Variants in GALNT17 observed in about 807,000 individuals in gnomAD.
GALNT17 encodes polypeptide N-acetylgalactosaminyltransferase 17.
GALNT17 carries 29 observed loss-of-function variants against 63.7 expected under a neutral mutation model. That is an observed-to-expected ratio of 0.46 (90% CI 0.34 to 0.62). The LOEUF is 0.62. Ranked by LOEUF, GALNT17 falls within the 20% of genes least tolerant of loss-of-function variation. The probability of loss-of-function intolerance (pLI) is 0.01; values close to 1 mark genes in which losing one functional copy is unlikely to be tolerated. For synonymous variants in GALNT17, 305 were observed against 318.3 expected (o/e 0.96, Z 0.45); for missense variants, 603 against 799.6 (o/e 0.75, Z 2.97).
At chr7:71,492,566 A>G (rs1275924381) in intron 5 of GALNT17, among the ~76,000 whole-genome samples, 1 of 152,186 alleles carries the variant, frequency 6.6e-6, no homozygotes, top group Non-Finnish European at 1.5e-5. Flanking sequence ...AAGGCATCTA[A>G]TGGGTGGCTT....
intron 1 of GALNT17, among the ~76,000 whole-genome samples, chr7:71,155,816 G>T (rs1050019776): frequency 6.6e-6 from 1 of 151,742 alleles, no homozygotes. Flanking sequence ...AGTAGAGTAG[G>T]AAGTAGGTGG....
intron 6 of GALNT17, among the ~76,000 whole-genome samples, chr7:71,652,792 A>T (rs1790772084): frequency 6.6e-6 from 1 of 152,164 alleles, no homozygotes; most frequent in African/African-American, 2.4e-5. Flanking sequence ...GACATCAGAG[A>T]CACATGCTCC....
intron 1 of GALNT17, among the ~76,000 whole-genome samples, chr7:71,276,583 C>G (rs996364193): frequency 6.6e-6 from 1 of 152,194 alleles, no homozygotes; most frequent in Admixed American, 6.5e-5. Flanking sequence ...TTTCCCTGCA[C>G]ATGTCCTCTT....
rs112453537 is a variant in GALNT17 at position 71,182,492 on chromosome 7, C to G, written c.238+49452C>G. On this transcript the variant is annotated intron_variant, in intron 1 of 10. Transcript: ENST00000333538. ...CAGGCCGTGTAGGAGTATTTTTCTC[C>G]TAGTCTTGTCTACTGGAGCTGACAG... is the stretch of plus-strand genomic sequence containing the variant. Among the ~76,000 whole-genome samples, 383 of 152,198 alleles carry G rather than the reference C, an allele frequency of 2.5e-3. 1 individual carries two copies. Among genetic ancestry groups the G allele is most frequent in the African/African-American group, 8.5e-3 (354 of 41,546 alleles).
intron 1 of GALNT17, among the ~76,000 whole-genome samples, chr7:71,145,008 G>A (rs1398946675): frequency 2.0e-5 from 3 of 152,170 alleles, no homozygotes; most frequent in Non-Finnish European, 2.9e-5. Flanking sequence ...GAATACAGGT[G>A]TGAGCCACTG....
At chr7:71,202,505 G>T (rs1410237217) in intron 1 of GALNT17, among the ~76,000 whole-genome samples, 2 of 152,052 alleles carry the variant, frequency 1.3e-5, no homozygotes, top group Non-Finnish European at 2.9e-5. Flanking sequence ...AAATGTAGTT[G>T]AATCAAACAT....
At chr7:71,581,660 G>A (rs2116899792) in intron 6 of GALNT17, among the ~76,000 whole-genome samples, 1 of 152,234 alleles carries the variant, frequency 6.6e-6, no homozygotes, top group East Asian at 1.9e-4. Flanking sequence ...CTGAATGAGA[G>A]GAGTGAATGA....
intron 1 of GALNT17, among the ~76,000 whole-genome samples, chr7:71,161,416 A>G (rs370546296): frequency 7.2e-5 from 11 of 152,258 alleles, no homozygotes; most frequent in African/African-American, 2.4e-4. Flanking sequence ...GATTAATTCA[A>G]TTGTTGATTT....
At chr7:71,547,918 A>G (rs1304528662) in intron 5 of GALNT17, among the ~76,000 whole-genome samples, 1 of 152,008 alleles carries the variant, frequency 6.6e-6, no homozygotes, top group Admixed American at 6.6e-5. Context: ...GTTGAGAGCC[A>G]TGTGAGAGAG....
intron 3 of GALNT17, among the ~76,000 whole-genome samples, chr7:71,401,725 C>T (rs539654403): frequency 2.8e-4 from 42 of 152,254 alleles, no homozygotes; most frequent in Middle Eastern, 3.4e-3. Flanking sequence ...GAGAATCTAA[C>T]GCCTATGATC....
chr7:71,624,315 C>G (rs1003222526), intron 6 of GALNT17, among the ~76,000 whole-genome samples: 1 of 152,206 alleles, frequency 6.6e-6, no homozygotes, highest in African/African-American at 2.4e-5. Flanking sequence ...CCAGGCGTTC[C>G]ATGGGCCATA....
At chr7:71,439,568 G>A (rs1319335242) in intron 5 of GALNT17, among the ~76,000 whole-genome samples, 1 of 152,212 alleles carries the variant, frequency 6.6e-6, no homozygotes, top group Non-Finnish European at 1.5e-5. Flanking sequence ...ACAGCTCCCA[G>A]CGGCAGGTAG....
At chr7:71,316,844 T>TGC (rs1280415462) in intron 1 of GALNT17, among the ~76,000 whole-genome samples, 1 of 152,208 alleles carries the variant, frequency 6.6e-6, no homozygotes, top group Non-Finnish European at 1.5e-5. Flanking sequence ...TCTTAGGATG[T>TGC]ACATGTTCTG....
intron 5 of GALNT17, among the ~76,000 whole-genome samples, chr7:71,455,358 C>G (rs1276418118): frequency 6.6e-6 from 1 of 152,108 alleles, no homozygotes; most frequent in East Asian, 1.9e-4. Flanking sequence ...GTTCAACCTC[C>G]CATCCTGTCA....
intron 5 of GALNT17, among the ~76,000 whole-genome samples, chr7:71,432,598 A>G (rs1172016288): frequency 6.6e-6 from 1 of 152,162 alleles, no homozygotes; most frequent in Non-Finnish European, 1.5e-5. Context: ...CACTGAGTTA[A>G]CCCTTTACTA....
intron 6 of GALNT17, among the ~76,000 whole-genome samples, chr7:71,579,760 C>G (rs1237683282): frequency 6.6e-6 from 1 of 151,792 alleles, no homozygotes; most frequent in Non-Finnish European, 1.5e-5. Flanking sequence ...AAGGTGGGGC[C>G]CAGATTATGA....
intron 1 of GALNT17, among the ~76,000 whole-genome samples, chr7:71,207,740 G>A (rs17520927): frequency 0.02 from 2,999 of 152,260 alleles, 32 homozygotes; most frequent in Middle Eastern, 0.037. Flanking sequence ...GGAGCCTTGT[G>A]TGCCCATTTA....
intron 2 of GALNT17, among the ~76,000 whole-genome samples, chr7:71,355,362 T>C (rs1188174796): frequency 6.6e-6 from 1 of 152,216 alleles, no homozygotes; most frequent in Non-Finnish European, 1.5e-5. Context: ...AACTTCCCAC[T>C]GATTGTGATA....
intron 5 of GALNT17, among the ~76,000 whole-genome samples, chr7:71,465,979 G>T (rs1025019828): frequency 6.6e-6 from 1 of 152,076 alleles, no homozygotes; most frequent in Non-Finnish European, 1.5e-5. Context: ...ACTTTTAAAG[G>T]TGTCAGACTC....
Sources: allele counts gnomAD v4.1 joint callset (sites outside exome capture counted in the v4.1 genomes callset), GRCh38; gene constraint gnomAD v4.1.1; transcripts MANE v1.5; gene names NCBI Gene and HGNC (gene_info 2026-07-23, HGNC 2026-07-21).